TBCEL: variants seen among roughly 807,000 people sequenced by gnomAD.
TBCEL encodes the protein tubulin folding cofactor E like, also known as tubulin-specific chaperone cofactor E-like protein.
TBCEL carries 15 observed loss-of-function variants against 44.2 expected under a neutral mutation model. That is an observed-to-expected ratio of 0.34 (90% CI 0.23 to 0.52). The LOEUF (loss-of-function observed/expected upper bound fraction) is 0.52, where lower values mean the gene tolerates loss of function less well. TBCEL is among the 20% of genes least tolerant of loss of function. The probability of loss-of-function intolerance (pLI) is 0.95; values close to 1 mark genes in which losing one functional copy is unlikely to be tolerated. For synonymous variants in TBCEL, 171 were observed against 185.4 expected (o/e 0.92, Z 0.63); for missense variants, 319 against 506.3 (o/e 0.63, Z 3.55).
At chr11:121,041,177 C>T (rs911143245) in intron 2 of TBCEL, among the ~76,000 whole-genome samples, 5 of 152,122 alleles carry the variant, frequency 3.3e-5, no homozygotes, top group Non-Finnish European at 5.9e-5. Context: ...ACATGGCGTA[C>T]TTTCTGTTTT....
chr11:121,078,331 G>C (rs1397666732), intron 8 of TBCEL, among the ~76,000 whole-genome samples: 2 of 152,028 alleles, frequency 1.3e-5, no homozygotes, highest in Non-Finnish European at 2.9e-5. Flanking sequence ...ATTTTGGATT[G>C]TTACGTCTTT....
chr11:121,044,091 A>G (rs2134915840), intron 2 of TBCEL, among the ~76,000 whole-genome samples: 1 of 152,042 alleles, frequency 6.6e-6, no homozygotes. Flanking sequence ...AGCCCCTGTA[A>G]TTTCTGAATA....
intron 1 of TBCEL, among the ~76,000 whole-genome samples, chr11:121,032,822 G>A (rs568452360): frequency 2.0e-5 from 3 of 152,260 alleles, no homozygotes; most frequent in East Asian, 1.9e-4. Flanking sequence ...GAACATACCC[G>A]TTGAACAACT....
At chr11:121,053,860 C>A in intron 5 of TBCEL, 128 bp downstream of exon 5, 6 of 1,018,380 alleles carry the variant, frequency 5.9e-6, no homozygotes, top group Non-Finnish European at 8.3e-6. Flanking sequence ...GTTAGAAAAA[C>A]GAAGTTATTG....
chr11:121,043,823 G>T (rs1015925698), intron 2 of TBCEL, among the ~76,000 whole-genome samples: 1 of 151,902 alleles, frequency 6.6e-6, no homozygotes, highest in Admixed American at 6.6e-5. Context: ...TTGTCTTATT[G>T]TCCTTATTCA....
chr11:121,079,193 G>A (rs1034279425), intron 8 of TBCEL, among the ~76,000 whole-genome samples: 3 of 152,184 alleles, frequency 2.0e-5, no homozygotes, highest in South Asian at 4.2e-4. Flanking sequence ...GATATTTGGG[G>A]AAGACAAGTG....
intron 8 of TBCEL, among the ~76,000 whole-genome samples, chr11:121,075,884 C>T (rs1051199183): frequency 2.0e-5 from 3 of 151,974 alleles, no homozygotes; most frequent in South Asian, 2.1e-4. Flanking sequence ...GGGTAGGATA[C>T]GGATTAAGTG....
chr11:121,026,277 G>A (rs983644538), intron 1 of TBCEL, among the ~76,000 whole-genome samples: 4 of 152,146 alleles, frequency 2.6e-5, no homozygotes, highest in Non-Finnish European at 5.9e-5. Context: ...TTTAGGTGGG[G>A]TCCTTAGAAA....
intron 8 of TBCEL, among the ~76,000 whole-genome samples, chr11:121,064,982 C>A (rs968291385): frequency 6.6e-6 from 1 of 152,026 alleles, no homozygotes; most frequent in South Asian, 2.1e-4. Context: ...CCCGCCACCA[C>A]GCCCAGCTAA....
intron 8 of TBCEL, among the ~76,000 whole-genome samples, chr11:121,070,461 C>T (rs796427186): frequency 1.3e-5 from 2 of 152,124 alleles, no homozygotes; most frequent in African/African-American, 4.8e-5. Context: ...TCCAAATGTC[C>T]ATCAGTGATA....
chr11:121,080,950 G>C (rs1344988878), intron 8 of TBCEL, among the ~76,000 whole-genome samples: 1 of 152,164 alleles, frequency 6.6e-6, no homozygotes, highest in Non-Finnish European at 1.5e-5. Flanking sequence ...ATTTGCACTG[G>C]GAGTAGAGCT....
intron 3 of TBCEL, among the ~76,000 whole-genome samples, chr11:121,046,393 T>G (rs759563168): frequency 6.6e-6 from 1 of 152,232 alleles, no homozygotes; most frequent in South Asian, 2.1e-4. Context: ...AGGTATATTT[T>G]TGCTTGTCTT....
At chr11:121,050,574 T>G (rs1180898544) in intron 4 of TBCEL, among the ~76,000 whole-genome samples, 1 of 151,622 alleles carries the variant, frequency 6.6e-6, no homozygotes, top group African/African-American at 2.4e-5. Context: ...GCTGAGTAGA[T>G]CTTTGTCTGA....
Position 121,024,213 on chromosome 11 carries a change from C to G in TBCEL, c.-204C>G, listed in dbSNP as rs1945001747. The G allele has an allele frequency of 1.3e-5, 2 of 152,992 alleles. No homozygotes were observed. The highest frequency in any genetic ancestry group is 6.5e-5 in the Admixed American group (1 of 15,292). The allele number at this position is 152,992 out of a possible 1,614,324, so 9.5% of individuals were successfully genotyped here. A position where few individuals can be genotyped will look rare whatever the true frequency, so the allele number is the denominator to read the frequency against. ...CAGGCCCGAGGCTGAGCGGCGGCGA[C>G]AGCGGTGGCCGGGAGGGGGGAGGAG... On this transcript the variant is annotated 5_prime_UTR_variant, in exon 1 of 9. Coordinates refer to ENST00000683345, the MANE Select transcript of TBCEL (RefSeq NM_001363644.2).
chr11:121,054,965 T>G (rs929342027), intron 5 of TBCEL, 87 bp from the exon 6 acceptor site: 33 of 1,337,562 alleles, frequency 2.5e-5, no homozygotes, highest in Non-Finnish European at 3.2e-5. Context: ...TAGTAGGCAC[T>G]TACTTATTTA....
intron 8 of TBCEL, among the ~76,000 whole-genome samples, chr11:121,062,717 T>G (rs941034933): frequency 6.6e-6 from 1 of 152,184 alleles, no homozygotes; most frequent in Non-Finnish European, 1.5e-5. Context: ...GGAAAGGAAT[T>G]TATTGAAAGA....
intron 3 of TBCEL, 44 bp from the exon 4 acceptor site, chr11:121,047,484 A>C (rs773335167): frequency 4.4e-6 from 7 of 1,606,304 alleles, no homozygotes; most frequent in African/African-American, 1.3e-5. Flanking sequence ...TGTAGACAAG[A>C]ATTTGGCTGA....
At chr11:121,037,280 T>G (rs1170445057) in intron 2 of TBCEL, among the ~76,000 whole-genome samples, 1 of 152,238 alleles carries the variant, frequency 6.6e-6, no homozygotes, top group Non-Finnish European at 1.5e-5. Flanking sequence ...TGCTAAGAGT[T>G]AAGTTAGTGA....
intron 1 of TBCEL, among the ~76,000 whole-genome samples, chr11:121,027,588 C>G (rs1591374717): frequency 6.6e-6 from 1 of 152,186 alleles, no homozygotes; most frequent in East Asian, 1.9e-4. Flanking sequence ...GCCAAGGCCT[C>G]TGCTCATGTA....
Sources: allele counts gnomAD v4.1 joint callset (sites outside exome capture counted in the v4.1 genomes callset), GRCh38; gene constraint gnomAD v4.1.1; transcripts MANE v1.5; gene names NCBI Gene and HGNC (gene_info 2026-07-23, HGNC 2026-07-21).